Variants in POPDC2 observed in about 807,000 individuals in gnomAD.
POPDC2 encodes the protein popeye domain-containing protein 2.
A neutral mutation model predicts 30.5 loss-of-function variants in POPDC2; 24 were observed. That is an observed-to-expected ratio of 0.79 (90% CI 0.57 to 1.11). POPDC2 has a LOEUF of 1.11. Among genes scored for constraint, POPDC2 ranks in the 50% least tolerant of loss-of-function variants. The probability of loss-of-function intolerance (pLI) is 0.00; values close to 1 mark genes in which losing one functional copy is unlikely to be tolerated. For synonymous variants in POPDC2, 185 were observed against 183.3 expected, an observed-to-expected ratio of 1.01 and a Z score of -0.07; for missense variants, 409 against 447.0, an observed-to-expected ratio of 0.91 and a Z score of 0.77.
At position 119,660,385 on chromosome 3, in the gene POPDC2, C is replaced by A. The variant is rs768141964; in HGVS notation, c.39G>T (p.Leu13Phe). The change falls in exon 1 of 4, where the codon TTG becomes TTT. Residue 13 changes from leucine to phenylalanine, a missense_variant. Physicochemically the swap from Leu to Phe is conservative, Grantham distance 22. Coordinates refer to ENST00000493094, the MANE Select transcript of POPDC2 (RefSeq NM_001369919.2). Reference protein sequence around the residue: ...ANSSRVGQLLLQGSACIRWKQ... With the variant: ...ANSSRVGQLLFQGSACIRWKQ... ...TCCACCTAATGCACGCTGAACCCTG[C>A]AAGAGAAGCTGGCCCACTCTGCTGC... 3 of 1,613,810 alleles carry A rather than the reference C, an allele frequency of 1.9e-6. No homozygotes were observed. The highest frequency in any genetic ancestry group is 3.3e-5 in the Admixed American group (2 of 60,002).
At chr3:119,643,174 A>G (rs1386810298) in intron 3 of POPDC2, among the ~76,000 whole-genome samples, 1 of 152,232 alleles carries the variant, frequency 6.6e-6, no homozygotes, top group Non-Finnish European at 1.5e-5. Flanking sequence ...TCTGTGAGAA[A>G]AGCACTGTTT....
chr3:119,653,176 C>T (rs1372841127), intron 2 of POPDC2, among the ~76,000 whole-genome samples: 1 of 152,104 alleles, frequency 6.6e-6, no homozygotes, highest in East Asian at 1.9e-4. Context: ...AGCTGAAGAC[C>T]CTGGGCAAAT....
At chr3:119,648,745 C>G (rs1345586606) in intron 2 of POPDC2, 77 bp from the exon 3 acceptor site, 1 of 1,293,858 alleles carries the variant, frequency 7.7e-7, no homozygotes, top group Non-Finnish European at 1.1e-6. Context: ...ATCATTCAGT[C>G]ACTTGGCAAA....
intron 3 of POPDC2, among the ~76,000 whole-genome samples, chr3:119,646,179 T>C (rs2052743304): frequency 6.6e-6 from 1 of 151,746 alleles, no homozygotes; most frequent in Non-Finnish European, 1.5e-5. Context: ...GTACAGGGTG[T>C]TTAGGAGGAA....
intron 3 of POPDC2, among the ~76,000 whole-genome samples, chr3:119,645,262 A>G (rs2052732250): frequency 6.6e-6 from 1 of 152,192 alleles, no homozygotes; most frequent in Non-Finnish European, 1.5e-5. Flanking sequence ...CTCCTCTCTC[A>G]TAAAATATCC....
chr3:119,659,957 C>A lies in POPDC2; in HGVS notation c.467G>T (p.Arg156Leu), dbSNP rs746507467. The A allele has an allele frequency of 2.5e-6, 4 of 1,595,890 alleles. No homozygotes were observed. Among genetic ancestry groups the A allele is most frequent in the Admixed American group, 3.4e-5 (2 of 59,408 alleles). ...CCGGCCAGAGAGCAGCAGGGACAGGCGGTTGATGGGTGTCTCACCCTCCAC... is the reference window on the plus strand; with the variant it reads ...CCGGCCAGAGAGCAGCAGGGACAGGAGGTTGATGGGTGTCTCACCCTCCAC... ...YAVEGETPIN[R>L]LSLLLSGRVR... Residue 156 changes from arginine to leucine, a missense_variant, in exon 1 of 4, where the codon CGC (arginine) becomes CTC (leucine). By Grantham distance (102) the Arg-to-Leu change is moderately radical (BLOSUM62 -2). Coordinates refer to ENST00000493094, the MANE Select transcript of POPDC2 (RefSeq NM_001369919.2).
rs772493686 is a variant in POPDC2 at position 119,642,509 on chromosome 3, G to T, written c.*96C>A. The T allele has an allele frequency of 1.9e-6, 3 of 1,613,124 alleles. No individual in the cohort carries two copies. Among genetic ancestry groups the T allele is most frequent in the Non-Finnish European group, 2.5e-6 (3 of 1,179,122 alleles). ...CAGGCGTGTGGGTTGGAGCCAAAGG[G>T]GCCTGTCCCCTGGATATAACTTGAG... is the stretch of plus-strand genomic sequence containing the variant. On this transcript the variant is annotated 3_prime_UTR_variant, in exon 4 of 4. Coordinates refer to ENST00000493094, the MANE Select transcript of POPDC2 (RefSeq NM_001369919.2).
chr3:119,649,680 C>T (rs1211991521), intron 2 of POPDC2, among the ~76,000 whole-genome samples: 1 of 152,096 alleles, frequency 6.6e-6, no homozygotes, highest in Non-Finnish European at 1.5e-5. Context: ...TCAAGAGGTG[C>T]CAGGCGTTGT....
At chr3:119,649,389 CATG>C (rs1471960898) in intron 2 of POPDC2, among the ~76,000 whole-genome samples, 16 of 152,250 alleles carry the variant, frequency 1.1e-4, no homozygotes, top group African/African-American at 3.6e-4. Context: ...ACTATGTGCC[CATG>C]ATGCAAAGCT....
intron 1 of POPDC2, among the ~76,000 whole-genome samples, chr3:119,658,989 T>C (rs888812909): frequency 1.3e-5 from 2 of 151,742 alleles, no homozygotes; most frequent in Non-Finnish European, 2.9e-5. Flanking sequence ...ATTCTCCTGG[T>C]CTCAAGAAAG....
At chr3:119,643,358 T>C in intron 3 of POPDC2, 1 of 1,531,140 alleles carries the variant, frequency 6.5e-7, no homozygotes. Context: ...CCTCCACTTT[T>C]TGCTGTACCT....
intron 2 of POPDC2, among the ~76,000 whole-genome samples, chr3:119,653,860 A>G (rs866865711): frequency 5.9e-5 from 9 of 152,200 alleles, no homozygotes; most frequent in Admixed American, 1.3e-4. Flanking sequence ...CTAGATTTGT[A>G]CTTCAGAGTT....
chr3:119,659,915 A>G lies in POPDC2; in HGVS notation c.491+18T>C. The G allele has an allele frequency of 6.4e-7, 1 of 1,554,700 alleles. No individual in the cohort carries two copies. The highest frequency in any genetic ancestry group is 8.7e-7 in the Non-Finnish European group (1 of 1,146,038). On this transcript the variant is annotated intron_variant, in intron 1 of 3. Transcript: ENST00000493094. ...GGGCTGGGGAAAGAAATTCTGGGCA[A>G]TGGATAGAGTAGCTTACCGGCCAGA...
intron 3 of POPDC2, among the ~76,000 whole-genome samples, chr3:119,643,073 A>G (rs1025097714): frequency 2.6e-5 from 4 of 152,184 alleles, no homozygotes; most frequent in Admixed American, 2.0e-4. Flanking sequence ...AACCTGTGGC[A>G]GGTAGAGGTG....
At chr3:119,649,691 G>A (rs2052788073) in intron 2 of POPDC2, among the ~76,000 whole-genome samples, 1 of 152,190 alleles carries the variant, frequency 6.6e-6, no homozygotes, top group Admixed American at 6.5e-5. Context: ...CAGGCGTTGT[G>A]TTAAGCACTT....
Position 119,648,300 on chromosome 3 carries a change from A to G in POPDC2, c.969T>C (p.Pro323=), listed in dbSNP as rs2052767431. 30 of 1,614,048 alleles carry G rather than the reference A, an allele frequency of 1.9e-5. No homozygotes were observed. Among genetic ancestry groups the G allele is most frequent in the Non-Finnish European group, 2.5e-5 (30 of 1,179,984 alleles). The change falls in exon 3 of 4, where the codon CCT becomes CCC. Residue 323 remains proline (P), a synonymous_variant. Transcript: ENST00000493094. ...CTGGCCTGGACAACCTGGCCCGGGT[A>G]GGAGGTGCAGGAAAGTTGGTGGTAG... ...PPATTNFPAP[P]TRARLSRPDS...
chr3:119,649,062 T>G (rs1399429826), intron 2 of POPDC2, among the ~76,000 whole-genome samples: 1 of 152,220 alleles, frequency 6.6e-6, no homozygotes, highest in African/African-American at 2.4e-5. Context: ...GTGGTTGAAA[T>G]GCTGACAACT....
In POPDC2 at chr3:119,648,535, A is replaced by G. The variant is rs776627668; in HGVS notation, c.734T>C (p.Leu245Pro). ...AAAGAGCTTGTCATTGAGAGTGTAG[A>G]GCTTCTCTGAGATGTCATATCCCAG... ...ALLGYDISEK[L>P]YTLNDKLFAK... Residue 245 changes from leucine (L) to proline (P), a missense_variant, in exon 3 of 4, where the codon CTC becomes CCC. By Grantham distance (98) the Leu-to-Pro change is moderately conservative. Transcript: ENST00000493094. The G allele has an allele frequency of 1.2e-5, 19 of 1,613,790 alleles. No individual in the cohort carries two copies. The highest frequency in any genetic ancestry group is 1.6e-5 in the Non-Finnish European group (19 of 1,179,956).
chr3:119,643,847 AT>A (rs1232430932), intron 3 of POPDC2, among the ~76,000 whole-genome samples: 2 of 152,212 alleles, frequency 1.3e-5, no homozygotes, highest in African/African-American at 4.8e-5. Flanking sequence ...CCCATGAGCA[AT>A]CCAGTATCAA....
Sources: allele counts gnomAD v4.1 joint callset (sites outside exome capture counted in the v4.1 genomes callset), GRCh38; gene constraint gnomAD v4.1.1; transcripts MANE v1.5; gene names NCBI Gene and HGNC (gene_info 2026-07-23, HGNC 2026-07-21).